The following SORCS3 variants were observed in gnomAD, a reference collection of about 807,000 sequenced individuals.
The protein encoded by SORCS3 is sortilin related VPS10 domain containing receptor 3, also known as VPS10 domain-containing receptor SorCS3.
A neutral mutation model predicts 146.3 loss-of-function variants in SORCS3; 57 were observed. The observed-to-expected ratio is 0.39, with a 90% CI of 0.31 to 0.49. The LOEUF (loss-of-function observed/expected upper bound fraction) is 0.49. Ranked by LOEUF, SORCS3 falls within the 20% of genes least tolerant of loss-of-function variation. The pLI, the probability that SORCS3 is intolerant of heterozygous loss-of-function variation, is 0.92. For synonymous variants in SORCS3, 653 were observed against 618.5 expected, an observed-to-expected ratio of 1.06 and a Z score of -0.83; for missense variants, 1,341 against 1,575.5, an observed-to-expected ratio of 0.85 and a Z score of 2.52.
chr10:105,106,399 A>G (rs1564755363), intron 7 of SORCS3, among the ~76,000 whole-genome samples: 1 of 152,170 alleles, frequency 6.6e-6, no homozygotes. Flanking sequence ...TGAACTTCCA[A>G]GCTCAGTGTG....
rs542096720 is a variant in SORCS3, at chr10:104,733,031, A to G, written c.627+91077A>G. 1.3e-3 allele frequency among the ~76,000 whole-genome samples: 200 copies of G among 152,340 alleles called. 2 individuals are homozygous for G. The highest frequency in any genetic ancestry group is 4.6e-3 in the African/African-American group (193 of 41,570). ...CAATCAGCTTACAGTACATAAGCTG[A>G]TAAATCAGTGATAGATTTGATTTCC... On this transcript the variant is annotated intron_variant, in intron 1 of 26. Coordinates refer to ENST00000369701, the MANE Select transcript of SORCS3 (RefSeq NM_014978.3).
At chr10:104,713,508 A>G (rs952892908) in intron 1 of SORCS3, among the ~76,000 whole-genome samples, 8 of 152,052 alleles carry the variant, frequency 5.3e-5, no homozygotes, top group South Asian at 2.1e-4. Flanking sequence ...ATCATGGTAG[A>G]TGTTGGATTT....
intron 4 of SORCS3, among the ~76,000 whole-genome samples, chr10:104,990,661 G>C (rs866169163): frequency 6.6e-6 from 1 of 152,144 alleles, no homozygotes; most frequent in African/African-American, 2.4e-5. Flanking sequence ...AGGTGATTAA[G>C]TTTTATCCCA....
intron 1 of SORCS3, among the ~76,000 whole-genome samples, chr10:104,758,930 T>G (rs547680612): frequency 1.0e-3 from 155 of 152,288 alleles, no homozygotes; most frequent in Non-Finnish European, 1.5e-4. Context: ...CATGAGGTCT[T>G]GTATGGCTTG....
chr10:104,913,579 G>A (rs1344246011), intron 2 of SORCS3, among the ~76,000 whole-genome samples: 2 of 152,152 alleles, frequency 1.3e-5, no homozygotes, highest in Admixed American at 6.5e-5. Flanking sequence ...AACGTGAAAC[G>A]TGCTGAGTGT....
chr10:105,199,741 G>T (rs1256591943), intron 14 of SORCS3, among the ~76,000 whole-genome samples: 1 of 152,094 alleles, frequency 6.6e-6, no homozygotes, highest in African/African-American at 2.4e-5. Context: ...TATTTTAAAT[G>T]CTTCCTGTAA....
rs946854905 is a variant in SORCS3 at position 105,263,363 on chromosome 10, A to G, written c.3658A>G (p.Thr1220Ala). Residue 1220 changes from threonine (T) to alanine (A), a missense_variant, in exon 27 of 27, where the codon ACT becomes GCT. Thr to Ala is a moderately conservative substitution (Grantham distance 58). Coordinates refer to ENST00000369701, the MANE Select transcript of SORCS3 (RefSeq NM_014978.3). ...AAGCACAAAGGAGATCCCCAACTGCACTAGTGTTTAATACCAGCAAGCCAC... is the reference window on the plus strand; with the variant it reads ...AAGCACAAAGGAGATCCCCAACTGCGCTAGTGTTTAATACCAGCAAGCCAC... ...SESTKEIPNC[T>A]SV 1.2e-6 allele frequency: 2 copies of G among 1,613,978 alleles called. No homozygotes were observed. Among genetic ancestry groups the G allele is most frequent in the Non-Finnish European group, 1.7e-6 (2 of 1,179,948 alleles).
At chr10:104,747,920 A>T (rs542890713) in intron 1 of SORCS3, among the ~76,000 whole-genome samples, 1 of 152,246 alleles carries the variant, frequency 6.6e-6, no homozygotes, top group African/African-American at 2.4e-5. Context: ...AAACCTTGGG[A>T]AAGTTCTTCC....
intron 7 of SORCS3, among the ~76,000 whole-genome samples, chr10:105,112,222 GTTTT>G (rs1052737142): frequency 6.6e-6 from 1 of 150,928 alleles, no homozygotes; most frequent in Non-Finnish European, 1.5e-5. Context: ...TTGTTTGTTT[GTTTT>G]ATTTTGTGTG....
At chr10:105,090,872 G>T (rs1262036671) in intron 6 of SORCS3, among the ~76,000 whole-genome samples, 1 of 152,184 alleles carries the variant, frequency 6.6e-6, no homozygotes, top group African/African-American at 2.4e-5. Flanking sequence ...CTGGCTGTTG[G>T]CATTGTGGTA....
At chr10:105,017,542 A>G (rs1359608164) in intron 4 of SORCS3, among the ~76,000 whole-genome samples, 1 of 152,236 alleles carries the variant, frequency 6.6e-6, no homozygotes, top group Non-Finnish European at 1.5e-5. Flanking sequence ...GGAGGCACTC[A>G]TGGGCTTTAT....
chr10:105,152,007 T>C (rs2119479670), intron 9 of SORCS3, among the ~76,000 whole-genome samples: 1 of 152,330 alleles, frequency 6.6e-6, no homozygotes, highest in East Asian at 1.9e-4. Context: ...ACTCTTTTCA[T>C]ATAGAGCTCT....
chr10:104,766,425 C>T (rs760840802), intron 1 of SORCS3, among the ~76,000 whole-genome samples: 15 of 152,188 alleles, frequency 9.9e-5, no homozygotes, highest in Non-Finnish European at 1.8e-4. Flanking sequence ...TACCTCTGTC[C>T]AGGCACATTG....
In SORCS3 at chr10:105,052,502, AACTTT is replaced by A. The variant is rs1175988386; in HGVS notation, c.1028+9380_1028+9384del. ...GATAATAAACTTGCAGAGGGGAGCA[AACTTT>A]ACTTTTGTCACAGTGGGTGAGATTT... On this transcript the variant is annotated intron_variant, in intron 5 of 26. Transcript: ENST00000369701. 9.2e-5 allele frequency among the ~76,000 whole-genome samples: 14 copies of A among 152,220 alleles called. No individual in the cohort carries two copies. The South Asian group carries it at 1.7e-3, about 18-fold the overall frequency.
intron 5 of SORCS3, among the ~76,000 whole-genome samples, chr10:105,065,282 C>T (rs2055515565): frequency 6.6e-6 from 1 of 152,132 alleles, no homozygotes; most frequent in African/African-American, 2.4e-5. Context: ...GGTCAGGAAA[C>T]TGGGTGCTGG....
At chr10:104,829,264 G>T (rs552367006) in intron 1 of SORCS3, among the ~76,000 whole-genome samples, 59 of 152,300 alleles carry the variant, frequency 3.9e-4, no homozygotes, top group African/African-American at 1.4e-3. Flanking sequence ...ATTATAGTCT[G>T]GTGAGTAGCA....
At chr10:104,807,185 GTGTGTGTGTGCGCA>G (rs2017687545) in intron 1 of SORCS3, among the ~76,000 whole-genome samples, 1 of 151,116 alleles carries the variant, frequency 6.6e-6, no homozygotes, top group Admixed American at 6.6e-5. Context: ...CTTGCTCTCT[GTGTGTGTGTGCGCA>G]TGTGTGTGTG....
chr10:104,725,824 A>G (rs2016623485), intron 1 of SORCS3, among the ~76,000 whole-genome samples: 2 of 152,222 alleles, frequency 1.3e-5, no homozygotes, highest in Non-Finnish European at 2.9e-5. Flanking sequence ...GACCTTTGGA[A>G]AAGCGCAGTA....
At chr10:105,050,458 A>G in intron 5 of SORCS3, among the ~76,000 whole-genome samples, 1 of 152,182 alleles carries the variant, frequency 6.6e-6, no homozygotes, top group East Asian at 1.9e-4. Flanking sequence ...ATCTCCAGCC[A>G]AAAGCCAATG....
Sources: allele counts gnomAD v4.1 joint callset (sites outside exome capture counted in the v4.1 genomes callset), GRCh38; gene constraint gnomAD v4.1.1; transcripts MANE v1.5; gene names NCBI Gene and HGNC (gene_info 2026-07-23, HGNC 2026-07-21).